Variants in PLPPR1 observed in about 807,000 individuals in gnomAD.
The protein encoded by PLPPR1 is phospholipid phosphatase related 1.
A neutral mutation model predicts 33.1 loss-of-function variants in PLPPR1; 10 were observed. The observed-to-expected ratio is 0.30, with a 90% CI of 0.19 to 0.51. PLPPR1 has a LOEUF of 0.51. Ranked by LOEUF, PLPPR1 falls within the 20% of genes least tolerant of loss-of-function variation. The pLI is 0.97. For missense variants in PLPPR1, 304 were observed against 408.1 expected, an observed-to-expected ratio of 0.74 and a Z score of 2.20; for synonymous variants, 151 against 151.0, an observed-to-expected ratio of 1.00 and a Z score of 0.00.
chr9:101,240,575 A>G (rs191448035), intron 2 of PLPPR1, among the ~76,000 whole-genome samples: 25 of 152,172 alleles, frequency 1.6e-4, no homozygotes, highest in Non-Finnish European at 2.6e-4. Context: ...TAGAAAAGAG[A>G]CAATTTCAGC....
At chr9:101,203,362 G>A (rs1460752185) in intron 2 of PLPPR1, among the ~76,000 whole-genome samples, 2 of 152,146 alleles carry the variant, frequency 1.3e-5, no homozygotes, top group Non-Finnish European at 2.9e-5. Context: ...ACCTTAGGGG[G>A]GGAAAAAGAC....
At chr9:101,040,566 C>T (rs748750710) in intron 1 of PLPPR1, among the ~76,000 whole-genome samples, 7 of 152,152 alleles carry the variant, frequency 4.6e-5, no homozygotes, top group Non-Finnish European at 1.0e-4. Context: ...TTTGCGTTTG[C>T]TGTTAGCTCA....
chr9:101,096,882 T>C (rs151095433), intron 1 of PLPPR1, among the ~76,000 whole-genome samples: 2 of 151,960 alleles, frequency 1.3e-5, no homozygotes, highest in Non-Finnish European at 2.9e-5. Context: ...CTGGGTAACA[T>C]AGTGAGACCC....
At chr9:101,191,028 G>A (rs1826288961) in intron 2 of PLPPR1, among the ~76,000 whole-genome samples, 1 of 152,116 alleles carries the variant, frequency 6.6e-6, no homozygotes, top group African/African-American at 2.4e-5. Context: ...TTGTAGTCCT[G>A]GCCAGATCCC....
At chr9:101,219,554 T>C (rs1826883079) in intron 2 of PLPPR1, among the ~76,000 whole-genome samples, 1 of 152,206 alleles carries the variant, frequency 6.6e-6, no homozygotes. Flanking sequence ...TGTTTGAGTA[T>C]AAAACAATAT....
chr9:101,127,439 G>C (rs1029784331), intron 1 of PLPPR1, among the ~76,000 whole-genome samples: 1 of 152,232 alleles, frequency 6.6e-6, no homozygotes, highest in Non-Finnish European at 1.5e-5. Context: ...GCTATTTATT[G>C]GTAATCCAAC....
At chr9:101,148,535 A>G (rs1323915236) in intron 1 of PLPPR1, among the ~76,000 whole-genome samples, 1 of 152,032 alleles carries the variant, frequency 6.6e-6, no homozygotes, top group African/African-American at 2.4e-5. Flanking sequence ...CCCTACTCCC[A>G]TTATGTGAGG....
intron 1 of PLPPR1, among the ~76,000 whole-genome samples, chr9:101,052,038 G>A (rs1490395262): frequency 6.6e-6 from 1 of 152,138 alleles, no homozygotes. Flanking sequence ...TTGCTTACTA[G>A]CTAGGTAAAC....
intron 1 of PLPPR1, among the ~76,000 whole-genome samples, chr9:101,034,793 T>G (rs1382315010): frequency 1.3e-5 from 2 of 151,664 alleles, no homozygotes; most frequent in Non-Finnish European, 2.9e-5. Flanking sequence ...GATGGTGTGC[T>G]TTTGCATTCA....
intron 4 of PLPPR1, among the ~76,000 whole-genome samples, chr9:101,289,787 C>T (rs150009469): frequency 1.0e-3 from 155 of 152,322 alleles, no homozygotes; most frequent in African/African-American, 3.5e-3. Flanking sequence ...AACCTCTTTG[C>T]TTTGTAAATC....
intron 3 of PLPPR1, among the ~76,000 whole-genome samples, chr9:101,271,591 T>TAC (rs1194216951): frequency 1.3e-5 from 2 of 152,214 alleles, no homozygotes; most frequent in Non-Finnish European, 2.9e-5. Flanking sequence ...CCTTTCCATG[T>TAC]ACCTCACAAT....
At chr9:101,278,806 C>T (rs1159024862) in intron 3 of PLPPR1, among the ~76,000 whole-genome samples, 1 of 152,208 alleles carries the variant, frequency 6.6e-6, no homozygotes, top group Non-Finnish European at 1.5e-5. Context: ...ACTTCAGTGT[C>T]TATAGGATCT....
chr9:101,145,363 C>T (rs1831506906), intron 1 of PLPPR1, among the ~76,000 whole-genome samples: 1 of 152,122 alleles, frequency 6.6e-6, no homozygotes, highest in Admixed American at 6.6e-5. Context: ...TTTTAAACAT[C>T]ATATTATACA....
At chr9:101,165,592 A>C (rs1182722168) in intron 1 of PLPPR1, among the ~76,000 whole-genome samples, 1 of 152,182 alleles carries the variant, frequency 6.6e-6, no homozygotes, top group Non-Finnish European at 1.5e-5. Flanking sequence ...GCAATTCTCA[A>C]TAATAATCTG....
chr9:101,275,561 G>A (rs189642592), intron 3 of PLPPR1, among the ~76,000 whole-genome samples: 110 of 152,130 alleles, frequency 7.2e-4, no homozygotes, highest in African/African-American at 2.4e-3. Flanking sequence ...AAATCTGCAG[G>A]GTATGTTCTG....
At chr9:101,220,735 A>G (rs1400770835) in intron 2 of PLPPR1, among the ~76,000 whole-genome samples, 1 of 152,164 alleles carries the variant, frequency 6.6e-6, no homozygotes, top group Non-Finnish European at 1.5e-5. Flanking sequence ...TTTCCTCTTA[A>G]GCTCCAGAAA....
chr9:101,095,225 A>G (rs2118540117), intron 1 of PLPPR1, among the ~76,000 whole-genome samples: 1 of 152,052 alleles, frequency 6.6e-6, no homozygotes, highest in Admixed American at 6.6e-5. Context: ...CTATTCCAAG[A>G]TTTTATTTGA....
At chr9:101,243,472 TAC>T (rs1310594429) in intron 2 of PLPPR1, among the ~76,000 whole-genome samples, 1 of 151,994 alleles carries the variant, frequency 6.6e-6, no homozygotes, top group African/African-American at 2.4e-5. Flanking sequence ...TGATCAGATT[TAC>T]AGTCTGGCTA....
chr9:101,144,852 C>G (rs1003270095), intron 1 of PLPPR1, among the ~76,000 whole-genome samples: 6 of 152,182 alleles, frequency 3.9e-5, no homozygotes, highest in African/African-American at 1.4e-4. Flanking sequence ...TCCCCACCTT[C>G]TCATTCACTT....
Sources: allele counts gnomAD v4.1 joint callset (sites outside exome capture counted in the v4.1 genomes callset), GRCh38; gene constraint gnomAD v4.1.1; transcripts MANE v1.5; gene names NCBI Gene and HGNC (gene_info 2026-07-23, HGNC 2026-07-21).